Variants in SUSD1 observed in about 807,000 individuals in gnomAD.
SUSD1 encodes sushi domain containing 1, also known as sushi domain-containing protein 1.
In SUSD1, 65 loss-of-function variants were observed where a neutral mutation model predicts 86.9. The ratio of observed to expected loss-of-function variants is 0.75; its 90% CI spans 0.61 to 0.92. The LOEUF (loss-of-function observed/expected upper bound fraction) is 0.92. Among genes scored for constraint, SUSD1 ranks in the 40% least tolerant of loss-of-function variants. The probability of loss-of-function intolerance (pLI) is 0.00; values close to 1 mark genes in which losing one functional copy is unlikely to be tolerated. For synonymous variants in SUSD1, 346 were observed against 350.0 expected (o/e 0.99, Z 0.13); for missense variants, 850 against 929.7 (o/e 0.91, Z 1.11).
chr9:112,143,343 AGG>A (rs1293484329), intron 4 of SUSD1, 126 bp downstream of exon 4: 2 of 945,386 alleles, frequency 2.1e-6, no homozygotes, highest in African/African-American at 3.3e-5. Context: ...TTTATGTCAT[AGG>A]TTGTACAAAA....
intron 8 of SUSD1, among the ~76,000 whole-genome samples, chr9:112,110,632 C>G (rs563613085): frequency 6.6e-6 from 1 of 151,764 alleles, no homozygotes; most frequent in African/African-American, 2.4e-5. Context: ...TGGCCTCAAG[C>G]AATCCTCCTC....
intron 5 of SUSD1, among the ~76,000 whole-genome samples, chr9:112,137,201 A>G (rs1348247977): frequency 6.6e-6 from 1 of 152,190 alleles, no homozygotes; most frequent in East Asian, 1.9e-4. Context: ...GGACTTTGGA[A>G]ACCATGTGCT....
intron 2 of SUSD1, among the ~76,000 whole-genome samples, chr9:112,153,345 G>C (rs1564345070): frequency 6.6e-6 from 1 of 151,980 alleles, no homozygotes; most frequent in Non-Finnish European, 1.5e-5. Context: ...CACATGGTCA[G>C]GATCATGTTA....
intron 8 of SUSD1, chr9:112,103,140 G>C (rs558200878): frequency 2.2e-6 from 1 of 462,486 alleles, no homozygotes; most frequent in African/African-American, 2.0e-5. Context: ...TTTTATATGT[G>C]TATTTCTCCC....
At chr9:112,057,798 T>G (rs958307204) in intron 14 of SUSD1, among the ~76,000 whole-genome samples, 1 of 152,230 alleles carries the variant, frequency 6.6e-6, no homozygotes. Context: ...TTTTCATTAC[T>G]GGCCCATATG....
In SUSD1 at chr9:112,111,732, C is replaced by T; in HGVS notation, c.1093G>A (p.Gly365Ser). The change falls in exon 8 of 17, where the codon GGC (glycine) becomes AGC (serine). Residue 365 changes from glycine to serine, a missense_variant. Transcript: ENST00000374270. ...GAGATGTTCACGGTGTAGTTGGTGCCTGGGTACAGGGCTAGGCACACTTCT... is the reference window on the plus strand; with the variant it reads ...GAGATGTTCACGGTGTAGTTGGTGCTTGGGTACAGGGCTAGGCACACTTCT... Reference protein sequence around the residue: ...TPEVCLALYPGTNYTVNISTA... With the variant: ...TPEVCLALYPSTNYTVNISTA... 6.2e-7 allele frequency: 1 copy of T among 1,614,134 alleles called. No individual in the cohort carries two copies. The highest frequency in any genetic ancestry group is 8.5e-7 in the Non-Finnish European group (1 of 1,180,026).
intron 5 of SUSD1, among the ~76,000 whole-genome samples, chr9:112,133,541 C>T (rs767084510): frequency 2.0e-5 from 3 of 152,174 alleles, no homozygotes. Flanking sequence ...TGGACCCCTG[C>T]CATTTACCGT....
At chr9:112,078,811 C>CATTTTTT in intron 11 of SUSD1, 87 bp from the exon 12 acceptor site, 4 of 640,370 alleles carry the variant, frequency 6.2e-6, no homozygotes, top group Non-Finnish European at 7.0e-6. Flanking sequence ...TTTTCTTTCT[C>CATTTTTT]TTTTTTTTTT....
At chr9:112,166,099 G>A (rs968040164) in intron 1 of SUSD1, among the ~76,000 whole-genome samples, 2 of 152,174 alleles carry the variant, frequency 1.3e-5, no homozygotes, top group African/African-American at 2.4e-5. Flanking sequence ...CGTAAGATGG[G>A]TTCCAGGCTA....
rs1322639649 is a variant in SUSD1, at chr9:112,078,602, A to G, written c.1689T>C (p.Asn563=). The part of the protein sequence containing the change: ...CLDLRPGTNY[N]VSLRALSSEL... ...CCGAAGACAGAGCCCGGAGACTGAC[A>G]TTGTAGTTGGTACCCGGACGTAGGT... Residue 563 remains asparagine, a synonymous_variant, in exon 12 of 17, where the codon AAT becomes AAC. Coordinates refer to ENST00000374270, the MANE Select transcript of SUSD1 (RefSeq NM_022486.5). 2 of 1,614,064 alleles carry G rather than the reference A, an allele frequency of 1.2e-6. No individual in the cohort carries two copies.
intron 15 of SUSD1, among the ~76,000 whole-genome samples, chr9:112,048,826 T>C (rs1828067337): frequency 6.6e-6 from 1 of 152,198 alleles, no homozygotes; most frequent in African/African-American, 2.4e-5. Flanking sequence ...GAAATCCAGA[T>C]GGAAGTCGTC....
At chr9:112,145,407 G>A (rs900300549) in intron 3 of SUSD1, among the ~76,000 whole-genome samples, 6 of 151,344 alleles carry the variant, frequency 4.0e-5, no homozygotes, top group Non-Finnish European at 8.8e-5. Context: ...AGCCTCCTGA[G>A]TAGCTGGGAC....
intron 9 of SUSD1, among the ~76,000 whole-genome samples, chr9:112,100,345 C>T (rs1489472084): frequency 1.3e-5 from 2 of 152,058 alleles, no homozygotes; most frequent in African/African-American, 2.4e-5. Flanking sequence ...CGCCACCACG[C>T]CTGGCTAATT....
At chr9:112,101,824 C>G (rs1028997826) in intron 9 of SUSD1, among the ~76,000 whole-genome samples, 1 of 152,068 alleles carries the variant, frequency 6.6e-6, no homozygotes. Context: ...CCAGCCTGGG[C>G]AACAAGAGCG....
chr9:112,084,058 T>G (rs759400078), intron 10 of SUSD1, among the ~76,000 whole-genome samples: 1 of 152,174 alleles, frequency 6.6e-6, no homozygotes, highest in South Asian at 2.1e-4. Flanking sequence ...ATATGATGCA[T>G]AGATGGACAA....
chr9:112,135,642 A>G (rs994226158), intron 5 of SUSD1, among the ~76,000 whole-genome samples: 2 of 152,238 alleles, frequency 1.3e-5, no homozygotes, highest in African/African-American at 4.8e-5. Flanking sequence ...TGGAAAATAA[A>G]TAAATAAGGT....
Position 112,143,613 on chromosome 9 carries a change from C to T in SUSD1, c.384G>A (p.Glu128=). Residue 128 remains glutamate (E), a synonymous_variant, in exon 4 of 17, where the codon GAG becomes GAA. Coordinates refer to ENST00000374270, the MANE Select transcript of SUSD1 (RefSeq NM_022486.5). ...GCCTGCACAGGCCAGAAACTTCACA[C>T]TCATCTATGTCTTGGGACCCAATCC... is the stretch of plus-strand genomic sequence containing the variant. The part of the protein sequence containing the change: ...NDGTFCTDID[E]CEVSGLCRHG... 1 of 1,613,012 alleles carries T rather than the reference C, an allele frequency of 6.2e-7. No homozygotes were observed. The highest frequency in any genetic ancestry group is 1.3e-5 in the African/African-American group (1 of 74,864).
chr9:112,125,107 T>G (rs1184848817), intron 5 of SUSD1, among the ~76,000 whole-genome samples: 2 of 152,064 alleles, frequency 1.3e-5, no homozygotes, highest in Non-Finnish European at 2.9e-5. Flanking sequence ...ATTTCAGAAT[T>G]TTAAAAAATC....
At chr9:112,130,406 C>G (rs1434234858) in intron 5 of SUSD1, among the ~76,000 whole-genome samples, 7 of 102,848 alleles carry the variant, frequency 6.8e-5, no homozygotes, top group South Asian at 3.7e-4. Context: ...AGGGAGGGAA[C>G]GGGAGGGGAG....
Sources: gnomAD v4.1 joint callset for allele counts (sites outside exome capture counted in the v4.1 genomes callset) on GRCh38, gnomAD v4.1.1 for gene constraint, MANE v1.5 for transcripts, NCBI Gene and HGNC (gene_info 2026-07-23, HGNC 2026-07-21) for gene names.